The following EDIL3 variants were observed in gnomAD, a reference collection of about 807,000 sequenced individuals.
The protein encoded by EDIL3 is EGF like and discoidin domains 3.
Under a neutral mutation model 67.4 loss-of-function variants are expected in EDIL3, and 37 were observed. The observed-to-expected ratio is 0.55, with a 90% confidence interval of 0.42 to 0.72. The LOEUF is 0.72. Among genes scored for constraint, EDIL3 ranks in the 30% least tolerant of loss-of-function variants. The probability of loss-of-function intolerance (pLI) is 0.00; values close to 1 mark genes in which losing one functional copy is unlikely to be tolerated. For missense variants in EDIL3, 527 were observed against 586.3 expected (o/e 0.90, Z 1.04); for synonymous variants, 195 against 196.3 (o/e 0.99, Z 0.05).
At chr5:84,376,902 T>C (rs1262367929) in intron 1 of EDIL3, among the ~76,000 whole-genome samples, 3 of 152,252 alleles carry the variant, frequency 2.0e-5, no homozygotes, top group African/African-American at 7.2e-5. Flanking sequence ...TTTTTGTTTG[T>C]CTGTAAACAA....
chr5:84,053,596 A>G (rs1249620970), intron 9 of EDIL3, among the ~76,000 whole-genome samples: 1 of 152,194 alleles, frequency 6.6e-6, no homozygotes, highest in East Asian at 1.9e-4. Context: ...AGAAGAATCA[A>G]ATAGATCCAA....
intron 1 of EDIL3, among the ~76,000 whole-genome samples, chr5:84,314,217 AAAG>A (rs1488923099): frequency 2.6e-5 from 4 of 152,064 alleles, no homozygotes; most frequent in Non-Finnish European, 5.9e-5. Context: ...AAAAAGAAAG[AAAG>A]AAGAAGAAAC....
At chr5:84,284,862 AT>A (rs918740305) in intron 1 of EDIL3, among the ~76,000 whole-genome samples, 34 of 152,066 alleles carry the variant, frequency 2.2e-4, no homozygotes, top group South Asian at 2.1e-3. Flanking sequence ...CTTAAAATGC[AT>A]TTTTTTTATT....
intron 9 of EDIL3, among the ~76,000 whole-genome samples, chr5:84,039,478 A>G (rs1004327401): frequency 1.3e-5 from 2 of 152,202 alleles, no homozygotes; most frequent in African/African-American, 4.8e-5. Context: ...TTGAAAGTTA[A>G]TAAACTATTA....
chr5:84,012,140 A>C (rs917814517), intron 9 of EDIL3, among the ~76,000 whole-genome samples: 5 of 152,214 alleles, frequency 3.3e-5, no homozygotes, highest in Non-Finnish European at 5.9e-5. Context: ...GGAGGACAGC[A>C]TAACAGGGAG....
chr5:84,310,231 T>C (rs899869992), intron 1 of EDIL3, among the ~76,000 whole-genome samples: 3 of 152,234 alleles, frequency 2.0e-5, no homozygotes, highest in Non-Finnish European at 4.4e-5. Context: ...TAATAAATAG[T>C]TACTGTTACA....
chr5:84,006,558 C>A (rs1452953660), intron 9 of EDIL3, among the ~76,000 whole-genome samples: 1 of 152,084 alleles, frequency 6.6e-6, no homozygotes, highest in South Asian at 2.1e-4. Flanking sequence ...ACAATAGATA[C>A]CAGGGCCTAC....
intron 3 of EDIL3, among the ~76,000 whole-genome samples, chr5:84,224,368 T>C (rs1023694583): frequency 1.3e-5 from 2 of 151,602 alleles, no homozygotes; most frequent in African/African-American, 4.8e-5. Flanking sequence ...GAGAATAAAC[T>C]TGATTTGCTA....
At chr5:84,051,440 C>G (rs7443102) in intron 9 of EDIL3, among the ~76,000 whole-genome samples, 1 of 152,014 alleles carries the variant, frequency 6.6e-6, no homozygotes, top group Non-Finnish European at 1.5e-5. Context: ...TCACCAGCAA[C>G]GGAACAAAGC....
At chr5:84,029,306 A>G (rs1218994491) in intron 9 of EDIL3, among the ~76,000 whole-genome samples, 1 of 152,100 alleles carries the variant, frequency 6.6e-6, no homozygotes, top group Non-Finnish European at 1.5e-5. Flanking sequence ...CCTCTGCACA[A>G]GTTCTCTCTC....
rs373004952 is a variant in EDIL3, at chr5:84,107,169, C to T, written c.470-339G>A. On this transcript the variant is annotated intron_variant, in intron 5 of 10. Coordinates refer to ENST00000296591, the MANE Select transcript of EDIL3 (RefSeq NM_005711.5). ...AGGCTTATCTCATATTTTATATTCC[C>T]GGAGATTAGCATGCCTCACAAATTA... Among the ~76,000 whole-genome samples, 41 of 152,114 alleles carry T rather than the reference C, an allele frequency of 2.7e-4. 1 individual carries two copies. Among genetic ancestry groups the T allele is most frequent in the East Asian group, 1.2e-3 (6 of 5,180 alleles).
intron 1 of EDIL3, among the ~76,000 whole-genome samples, chr5:84,344,606 AATAC>A (rs534089652): frequency 4.5e-4 from 69 of 152,226 alleles, no homozygotes; most frequent in African/African-American, 1.6e-3. Flanking sequence ...ATTAATGTAA[AATAC>A]ATACCAGTTT....
chr5:84,234,779 T>A (rs1744647616), intron 2 of EDIL3, among the ~76,000 whole-genome samples: 1 of 152,178 alleles, frequency 6.6e-6, no homozygotes, highest in Non-Finnish European at 1.5e-5. Context: ...TAAATTTGGT[T>A]AAGCATGTAC....
intron 3 of EDIL3, among the ~76,000 whole-genome samples, chr5:84,187,580 G>A (rs1489291608): frequency 1.3e-5 from 2 of 152,040 alleles, no homozygotes; most frequent in Non-Finnish European, 2.9e-5. Context: ...GTTTTTACTA[G>A]TTGTTTACCA....
At chr5:84,245,268 T>C (rs1433172375) in intron 2 of EDIL3, among the ~76,000 whole-genome samples, 1 of 152,176 alleles carries the variant, frequency 6.6e-6, no homozygotes, top group African/African-American at 2.4e-5. Context: ...ATTTAAAAAA[T>C]ATATTTGATA....
At chr5:84,303,513 G>A (rs756563583) in intron 1 of EDIL3, among the ~76,000 whole-genome samples, 38 of 152,076 alleles carry the variant, frequency 2.5e-4, no homozygotes, top group Non-Finnish European at 4.4e-4. Flanking sequence ...TTACATTCAT[G>A]GATTAGTCAT....
Position 84,384,657 on chromosome 5 carries a change from G to A in EDIL3, c.-283C>T, listed in dbSNP as rs919543890. 9.0e-6 allele frequency: 2 copies of A among 223,314 alleles called. No homozygotes were observed. The highest frequency in any genetic ancestry group is 9.4e-5 in the East Asian group (1 of 10,672). The allele number at this position is 223,314 out of a possible 1,614,324, so 13.8% of individuals were successfully genotyped here. On this transcript the variant is annotated 5_prime_UTR_variant, in exon 1 of 11. Coordinates refer to ENST00000296591, the MANE Select transcript of EDIL3 (RefSeq NM_005711.5). ...CAGCCCTCCGCTGCGGGTGGGTCCC[G>A]GCAGAGGCGCGGCGGGCGGGGCGCG...
chr5:84,346,170 C>T (rs1747236788), intron 1 of EDIL3, among the ~76,000 whole-genome samples: 1 of 129,748 alleles, frequency 7.7e-6, no homozygotes, highest in Non-Finnish European at 1.6e-5. Flanking sequence ...GAGTCTCGCT[C>T]TGTCTCCCAG....
chr5:84,284,377 C>T (rs1251663629), intron 1 of EDIL3, among the ~76,000 whole-genome samples: 5 of 152,080 alleles, frequency 3.3e-5, no homozygotes, highest in Non-Finnish European at 7.4e-5. Flanking sequence ...CATGACATTT[C>T]TCCTACGGCA....
Sources: gnomAD v4.1 joint callset for allele counts (sites outside exome capture counted in the v4.1 genomes callset) on GRCh38, gnomAD v4.1.1 for gene constraint, MANE v1.5 for transcripts, NCBI Gene and HGNC (gene_info 2026-07-23, HGNC 2026-07-21) for gene names.